The following OSBPL10 variants were observed in gnomAD, a reference collection of about 807,000 sequenced individuals.
OSBPL10 encodes oxysterol binding protein like 10.
A neutral mutation model predicts 81.7 loss-of-function variants in OSBPL10; 49 were observed. The observed-to-expected ratio is 0.60, with a 90% CI of 0.48 to 0.76. The LOEUF (loss-of-function observed/expected upper bound fraction) is 0.76. Ranked by LOEUF, OSBPL10 falls within the 30% of genes least tolerant of loss-of-function variation. The pLI, the probability that OSBPL10 is intolerant of heterozygous loss-of-function variation, is 0.00. For missense variants in OSBPL10, 923 were observed against 987.8 expected (o/e 0.93, Z 0.88); for synonymous variants, 419 against 383.6 (o/e 1.09, Z -1.08).
chr3:31,698,548 C>G (rs1394435698), intron 7 of OSBPL10, among the ~76,000 whole-genome samples: 1 of 152,190 alleles, frequency 6.6e-6, no homozygotes, highest in African/African-American at 2.4e-5. Flanking sequence ...AAAACAACAT[C>G]CTGAGCCCTC....
intron 4 of OSBPL10, among the ~76,000 whole-genome samples, chr3:31,753,979 A>G (rs1697801787): frequency 6.6e-6 from 1 of 152,134 alleles, no homozygotes; most frequent in African/African-American, 2.4e-5. Context: ...TCCAATCCAC[A>G]ACCCCCTTCT....
At chr3:31,721,843 G>A (rs549416809) in intron 6 of OSBPL10, among the ~76,000 whole-genome samples, 1 of 152,276 alleles carries the variant, frequency 6.6e-6, no homozygotes, top group South Asian at 2.1e-4. Flanking sequence ...GGACATTAGC[G>A]ATATATGATC....
chr3:31,929,747 CAAAAAAAA>C lies in OSBPL10; in HGVS notation c.282-49925_282-49918del, dbSNP rs11328456. Among the ~76,000 whole-genome samples, 9 of 119,088 alleles carry C rather than the reference CAAAAAAAA, an allele frequency of 7.6e-5. No homozygotes were observed. In the Admixed American group the frequency reaches 8.3e-4, roughly 11 times the overall value. The allele number at this position is 119,088 out of a possible 152,430, so 78.1% of individuals were successfully genotyped here. A position where few individuals can be genotyped will look rare whatever the true frequency, so the allele number is the denominator to read the frequency against. ...TGGGCGACAGGGCAAGACTCTGTCT[CAAAAAAAA>C]AAAAAAAGGAAATAAAAATAAAGCT... On this transcript the variant is annotated intron_variant, in intron 1 of 11. Transcript: ENST00000396556.
At position 31,927,476 on chromosome 3, in the gene OSBPL10, C is replaced by T. The variant is rs368753943; in HGVS notation, c.282-47646G>A. Among the ~76,000 whole-genome samples, 5 of 152,206 alleles carry T rather than the reference C, an allele frequency of 3.3e-5. 1 individual carries two copies. Among genetic ancestry groups the T allele is most frequent in the South Asian group, 2.1e-4 (1 of 4,824 alleles). On this transcript the variant is annotated intron_variant, in intron 1 of 11. Coordinates refer to ENST00000396556, the MANE Select transcript of OSBPL10 (RefSeq NM_017784.5). ...ATTTTCCAGATAACTGACTCAAAAA[C>T]GGATCACACACTTCTCTGTCTTCGT...
chr3:31,833,699 GCACACGCA>G (rs1700301397), intron 3 of OSBPL10, among the ~76,000 whole-genome samples: 1 of 118,830 alleles, frequency 8.4e-6, no homozygotes, highest in African/African-American at 3.5e-5. Flanking sequence ...ACACGCACAC[GCACACGCA>G]CACACACACA....
At chr3:31,878,230 A>T (rs1701528142) in intron 2 of OSBPL10, among the ~76,000 whole-genome samples, 1 of 152,236 alleles carries the variant, frequency 6.6e-6, no homozygotes, top group Non-Finnish European at 1.5e-5. Context: ...AGATGGCTCA[A>T]TTGTCAAATT....
At chr3:32,041,152 G>A (rs1054505327) in intron 2 of OSBPL10, among the ~76,000 whole-genome samples, 1 of 152,132 alleles carries the variant, frequency 6.6e-6, no homozygotes, top group Non-Finnish European at 1.5e-5. Flanking sequence ...TCTAGAGACA[G>A]TGTCAAGAGA....
chr3:31,951,851 T>A (rs1697878819), intron 1 of OSBPL10, among the ~76,000 whole-genome samples: 1 of 152,128 alleles, frequency 6.6e-6, no homozygotes, highest in South Asian at 2.1e-4. Flanking sequence ...AAGCTTTTCA[T>A]TAACTTTAAA....
chr3:31,776,788 A>G (rs1281337353), intron 4 of OSBPL10, among the ~76,000 whole-genome samples: 2 of 151,958 alleles, frequency 1.3e-5, no homozygotes, highest in East Asian at 1.9e-4. Context: ...TGGGGGGAGG[A>G]GGGAAGGGAG....
chr3:32,009,478 A>G (rs75835320), intron 2 of OSBPL10, among the ~76,000 whole-genome samples: 4,999 of 152,320 alleles, frequency 0.033, 244 homozygotes, highest in African/African-American at 0.11. Flanking sequence ...ACAGTCTTCC[A>G]CACAGGGCTA....
chr3:32,060,095 T>C (rs1699743838), intron 1 of OSBPL10, among the ~76,000 whole-genome samples: 1 of 152,014 alleles, frequency 6.6e-6, no homozygotes, highest in South Asian at 2.1e-4. Flanking sequence ...TATATATATA[T>C]ATACTTACGG....
chr3:31,879,873 T>G, intron 1 of OSBPL10, 43 bp from the exon 2 acceptor site: 1 of 1,573,028 alleles, frequency 6.4e-7, no homozygotes, highest in Non-Finnish European at 8.6e-7. Context: ...TCTCCTACCC[T>G]ATTCTGCACA....
At chr3:31,779,111 C>A (rs923379111) in intron 4 of OSBPL10, among the ~76,000 whole-genome samples, 1 of 152,082 alleles carries the variant, frequency 6.6e-6, no homozygotes, top group Admixed American at 6.6e-5. Context: ...CAAAATAGAA[C>A]CTCCTTAAAG....
chr3:32,010,676 G>A (rs994020532), intron 2 of OSBPL10, among the ~76,000 whole-genome samples: 1 of 152,180 alleles, frequency 6.6e-6, no homozygotes, highest in Non-Finnish European at 1.5e-5. Flanking sequence ...AGGGGTCAGG[G>A]AATTCCCTTT....
At chr3:31,967,463 G>C (rs905438748) in intron 1 of OSBPL10, among the ~76,000 whole-genome samples, 1 of 150,784 alleles carries the variant, frequency 6.6e-6, no homozygotes, top group Non-Finnish European at 1.5e-5. Flanking sequence ...GTGGACAACA[G>C]AGCAACACCC....
At chr3:31,747,371 A>T (rs1697557372) in intron 5 of OSBPL10, among the ~76,000 whole-genome samples, 2 of 151,888 alleles carry the variant, frequency 1.3e-5, no homozygotes, top group Admixed American at 1.3e-4. Context: ...AAAGCTCATT[A>T]ATGGACCCAT....
At position 32,039,363 on chromosome 3, in the gene OSBPL10, A is replaced by G. The variant is rs559847568; in HGVS notation, n.298+7128T>C. Among the ~76,000 whole-genome samples the G allele has an allele frequency of 1.9e-3, 281 of 149,916 alleles. 2 individuals carry two copies. Among genetic ancestry groups the G allele is most frequent in the African/African-American group, 6.4e-3 (262 of 41,032 alleles). On this transcript the variant is annotated intron_variant and non_coding_transcript_variant, in intron 2 of 3. Transcript: ENST00000479173. ...ATAAATTAATTAATTAGTTAATTAA[A>G]AAAAAAAAGAGGGCTGGGTATGGTG...
chr3:31,676,816 C>G (rs1004845679), intron 8 of OSBPL10, among the ~76,000 whole-genome samples: 1 of 152,186 alleles, frequency 6.6e-6, no homozygotes, highest in African/African-American at 2.4e-5. Context: ...CACAGCGGTG[C>G]GAGGTTGGGA....
At chr3:31,806,803 A>G (rs1699532655) in intron 4 of OSBPL10, among the ~76,000 whole-genome samples, 3 of 150,424 alleles carry the variant, frequency 2.0e-5, no homozygotes, top group Admixed American at 6.6e-5. Context: ...GGGTGGGGGG[A>G]GCCATGTGGG....
Sources: gnomAD v4.1 joint callset for allele counts (sites outside exome capture counted in the v4.1 genomes callset) on GRCh38, gnomAD v4.1.1 for gene constraint, MANE v1.5 for transcripts, NCBI Gene and HGNC (gene_info 2026-07-23, HGNC 2026-07-21) for gene names.